Variants in FBXL7 observed in about 807,000 individuals in gnomAD.
FBXL7 encodes the protein F-box/LRR-repeat protein 7.
Under a neutral mutation model 38.3 loss-of-function variants are expected in FBXL7, and 12 were observed. The observed-to-expected ratio is 0.31, with a 90% CI of 0.20 to 0.51. FBXL7 has a LOEUF of 0.51. FBXL7 is among the 20% of genes least tolerant of loss of function. The pLI is 0.98. For missense variants in FBXL7, 567 were observed against 676.4 expected (o/e 0.84, Z 1.79); for synonymous variants, 297 against 300.9 (o/e 0.99, Z 0.13).
chr5:15,664,188 A>G lies in FBXL7; in HGVS notation c.127+48116A>G, dbSNP rs907999990. Among the ~76,000 whole-genome samples, 7 of 152,032 alleles carry G rather than the reference A, an allele frequency of 4.6e-5. No homozygotes were observed. The South Asian group carries it at 6.3e-4, about 14-fold the overall frequency. ...ATACATAATTAGCTTACCACCATCT[A>G]CTTTCAGATAGTATTATAAGATTTT... On this transcript the variant is annotated intron_variant, in intron 2 of 3. Transcript: ENST00000504595.
intron 2 of FBXL7, among the ~76,000 whole-genome samples, chr5:15,699,183 G>A (rs953422733): frequency 6.6e-6 from 1 of 152,050 alleles, no homozygotes; most frequent in African/African-American, 2.4e-5. Flanking sequence ...GTTATAATTG[G>A]GGGGTATGTT....
intron 2 of FBXL7, among the ~76,000 whole-genome samples, chr5:15,618,388 A>G (rs545028665): frequency 1.4e-4 from 21 of 152,324 alleles, no homozygotes; most frequent in African/African-American, 4.8e-4. Context: ...AAGTTCTGCT[A>G]TTTGTGTGTC....
At chr5:15,712,601 A>G (rs965222621) in intron 2 of FBXL7, among the ~76,000 whole-genome samples, 1 of 151,908 alleles carries the variant, frequency 6.6e-6, no homozygotes, top group Non-Finnish European at 1.5e-5. Context: ...TCCAATTTAT[A>G]TTTTCTTTTC....
intron 2 of FBXL7, among the ~76,000 whole-genome samples, chr5:15,923,851 C>T (rs1024687246): frequency 6.6e-6 from 1 of 151,944 alleles, no homozygotes; most frequent in South Asian, 2.1e-4. Context: ...CACCCTCCCC[C>T]CTCCGCCCCC....
At chr5:15,521,784 T>C (rs1260505915) in intron 1 of FBXL7, among the ~76,000 whole-genome samples, 1 of 152,190 alleles carries the variant, frequency 6.6e-6, no homozygotes. Context: ...ATGTGCCTCT[T>C]CTCCTGCGTG....
intron 2 of FBXL7, among the ~76,000 whole-genome samples, chr5:15,788,128 C>T (rs189564827): frequency 6.6e-6 from 1 of 152,242 alleles, no homozygotes; most frequent in East Asian, 1.9e-4. Flanking sequence ...TGTGTCCTCT[C>T]CTCTTCTTCT....
At chr5:15,869,334 G>A (rs1379383824) in intron 2 of FBXL7, among the ~76,000 whole-genome samples, 1 of 152,132 alleles carries the variant, frequency 6.6e-6, no homozygotes, top group East Asian at 1.9e-4. Context: ...GTCAGAAGCT[G>A]CCTACCACAT....
At chr5:15,838,107 T>G (rs1738639167) in intron 2 of FBXL7, among the ~76,000 whole-genome samples, 1 of 152,132 alleles carries the variant, frequency 6.6e-6, no homozygotes, top group African/African-American at 2.4e-5. Context: ...GAGTTCAGTA[T>G]GTTGGTGTCC....
rs545853109 is a variant in FBXL7 at position 15,689,847 on chromosome 5, G to A, written c.127+73775G>A. ...ACTGAATCCAGGTTTGTCCAAACCA[G>A]GGATTCTCAACCTTGGCTTAACAGA... On this transcript the variant is annotated intron_variant, in intron 2 of 3. Transcript: ENST00000504595. 2.6e-5 allele frequency among the ~76,000 whole-genome samples: 4 copies of A among 152,300 alleles called. No homozygotes were observed. In the East Asian group the frequency reaches 5.8e-4, roughly 22 times the overall value.
chr5:15,646,506 C>T (rs957787219), intron 2 of FBXL7, among the ~76,000 whole-genome samples: 17 of 152,174 alleles, frequency 1.1e-4, no homozygotes, highest in Non-Finnish European at 2.2e-4. Context: ...CATACTGCCT[C>T]TATGGCTACA....
intron 2 of FBXL7, among the ~76,000 whole-genome samples, chr5:15,831,962 A>G (rs917278071): frequency 3.9e-5 from 6 of 152,176 alleles, no homozygotes; most frequent in Non-Finnish European, 4.4e-5. Context: ...AGTCCTTCCC[A>G]TCGCTGGCCT....
intron 1 of FBXL7, among the ~76,000 whole-genome samples, chr5:15,578,242 G>T (rs1282112941): frequency 2.0e-5 from 3 of 152,168 alleles, no homozygotes; most frequent in Non-Finnish European, 2.9e-5. Context: ...CAAAAGAGAT[G>T]AGTGGAGAAC....
intron 2 of FBXL7, among the ~76,000 whole-genome samples, chr5:15,670,252 TAA>T (rs1038783624): frequency 1.3e-5 from 2 of 152,194 alleles, no homozygotes; most frequent in Admixed American, 1.3e-4. Flanking sequence ...GCACAGAAAT[TAA>T]GTTTCTTATA....
At chr5:15,838,848 G>C (rs565561065) in intron 2 of FBXL7, among the ~76,000 whole-genome samples, 1 of 152,050 alleles carries the variant, frequency 6.6e-6, no homozygotes, top group Admixed American at 6.6e-5. Flanking sequence ...CTGAGAGTTT[G>C]AACTACTTGA....
In FBXL7 at chr5:15,721,459, T is replaced by G. The variant is rs1348035145; in HGVS notation, c.127+105387T>G. Among the ~76,000 whole-genome samples the G allele has an allele frequency of 2.0e-5, 3 of 152,162 alleles. No homozygotes were observed. The South Asian group carries it at 6.2e-4, about 32-fold the overall frequency. On this transcript the variant is annotated intron_variant, in intron 2 of 3. Coordinates refer to ENST00000504595, the MANE Select transcript of FBXL7 (RefSeq NM_012304.5). ...CAAGGTTTCAAACACTAAGGAAAAG[T>G]TTAGTCTTTGTGGGGCCTATCTTCT...
chr5:15,857,812 T>A (rs1003365764), intron 2 of FBXL7, among the ~76,000 whole-genome samples: 3 of 152,238 alleles, frequency 2.0e-5, no homozygotes, highest in Non-Finnish European at 4.4e-5. Context: ...GGTATCTTTT[T>A]AACTACTAGC....
At chr5:15,666,885 T>A (rs1038607729) in intron 2 of FBXL7, among the ~76,000 whole-genome samples, 3 of 152,192 alleles carry the variant, frequency 2.0e-5, no homozygotes, top group Non-Finnish European at 2.9e-5. Flanking sequence ...ATCTCTTGGC[T>A]CCAAGAAGAG....
At chr5:15,702,838 A>G (rs1468732532) in intron 2 of FBXL7, among the ~76,000 whole-genome samples, 1 of 152,086 alleles carries the variant, frequency 6.6e-6, no homozygotes, top group Non-Finnish European at 1.5e-5. Flanking sequence ...AAAGAGAGTC[A>G]GCCAAGGGAG....
At chr5:15,860,208 C>T (rs1739418755) in intron 2 of FBXL7, among the ~76,000 whole-genome samples, 1 of 152,112 alleles carries the variant, frequency 6.6e-6, no homozygotes, top group South Asian at 2.1e-4. Context: ...TTATTGGTAA[C>T]AAAATTTTAT....
Sources: gnomAD v4.1 joint callset for allele counts (sites outside exome capture counted in the v4.1 genomes callset) on GRCh38, gnomAD v4.1.1 for gene constraint, MANE v1.5 for transcripts, NCBI Gene and HGNC (gene_info 2026-07-23, HGNC 2026-07-21) for gene names.